The following IRGQ variants were observed in gnomAD, a reference collection of about 807,000 sequenced individuals.
IRGQ encodes the protein immunity-related GTPase family Q protein.
IRGQ carries 5 observed loss-of-function variants against 10.5 expected under a neutral mutation model. That is an observed-to-expected ratio of 0.48 (90% CI 0.25 to 1.00). IRGQ has a LOEUF of 1.00. Among genes scored for constraint, IRGQ ranks in the 50% least tolerant of loss-of-function variants. The pLI is 0.16. For missense variants in IRGQ, 792 were observed against 877.7 expected (o/e 0.90, Z 1.23); for synonymous variants, 418 against 426.0 (o/e 0.98, Z 0.23).
In IRGQ at chr19:43,591,785, T is replaced by G; in HGVS notation, c.*241A>C. 1 of 373,612 alleles carries G rather than the reference T, an allele frequency of 2.7e-6. No individual in the cohort carries two copies. 23.1% of individuals were successfully genotyped at this position (373,612 alleles called of 1,614,324 possible). On this transcript the variant is annotated 3_prime_UTR_variant, in exon 3 of 3. Transcript: ENST00000422989. Reference sequence around the variant, plus strand: ...ATCGCTTGAACCCGGGAGGCGGAGGTTGCAGTGAGCCGAGGTCGCGCCATT... The same window carrying G: ...ATCGCTTGAACCCGGGAGGCGGAGGGTGCAGTGAGCCGAGGTCGCGCCATT...
Position 43,592,417 on chromosome 19 carries a change from G to T in IRGQ, c.1481C>A (p.Ala494Glu), listed in dbSNP as rs1362089015. 6.4e-7 allele frequency: 1 copy of T among 1,574,320 alleles called. No individual in the cohort carries two copies. The change falls in exon 3 of 3, where the codon GCG (alanine) becomes GAG (glutamate). Residue 494 changes from alanine (A) to glutamate (E), a missense_variant. By Grantham distance (107) the Ala-to-Glu change is moderately radical. Transcript: ENST00000422989. ...CCAGCCCAGCCCTGGGAGTGGTGCC[G>T]CCGCCGCCGCCAGACTAGCCAGCAG... ...PALLASLAAA[A>E]APLPGLGWAC... is the part of the protein sequence containing the mutation.
rs1251287579 is a variant in IRGQ, at chr19:43,591,959, C to G, written c.*67G>C. On this transcript the variant is annotated 3_prime_UTR_variant, in exon 3 of 3. Transcript: ENST00000422989. ...GGAAGTCAAGAGTCCACATCCCCTT[C>G]AAGCACCCAGGATTAAGCCCAGGCA... 6.7e-7 allele frequency: 1 copy of G among 1,496,976 alleles called. No homozygotes were observed. The highest frequency in any genetic ancestry group is 1.4e-5 in the African/African-American group (1 of 71,318). The allele number at this position is 1,496,976 out of a possible 1,614,324, so 92.7% of individuals were successfully genotyped here.
chr19:43,592,569 G>A lies in IRGQ; in HGVS notation c.1329C>T (p.Cys443=). 3 of 1,598,852 alleles carry A rather than the reference G, an allele frequency of 1.9e-6. No homozygotes were observed. Among genetic ancestry groups the A allele is most frequent in the Non-Finnish European group, 1.7e-6 (2 of 1,179,358 alleles). ...GGGGGAGCGCTCGCCGCAGCCATTC[G>A]CATAGCCCTGGGAGTCCGCCAGGCC... ...PLRPGGLPGL[C]EWLRRALPPA... is the part of the protein sequence containing the mutation. Residue 443 remains cysteine (C), a synonymous_variant, in exon 3 of 3, where the codon TGC becomes TGT. Transcript: ENST00000422989.
In IRGQ at chr19:43,593,288, C is replaced by T. The variant is rs1459343468; in HGVS notation, c.610G>A (p.Gly204Ser). 3.8e-6 allele frequency: 6 copies of T among 1,590,362 alleles called. No individual in the cohort carries two copies. Among genetic ancestry groups the T allele is most frequent in the Admixed American group, 3.6e-5 (2 of 56,126 alleles). ...CACGACAGCGCAGCCTCAAGGCCGC[C>T]GGTCTCAAAGGCCTCACGCACAGCC... ...LEAVREAFET[G>S]GLEAALSWVR... The change falls in exon 3 of 3, where the codon GGC (glycine) becomes AGC (serine). Residue 204 changes from glycine (G) to serine (S), a missense_variant. Coordinates refer to ENST00000422989, the MANE Select transcript of IRGQ (RefSeq NM_001007561.3). The surrounding 1 kb of genome is among the most constrained non-coding windows in gnomAD (Gnocchi z 6.4).
rs902394591 is a variant in IRGQ at position 43,587,998 on chromosome 19, G to T, written c.*4028C>A. Reference sequence around the variant, plus strand: ...AAACATGTTAAAATGAATTTAACCTGTTTCCTTTTACTTGTCTAATGTGGC... The same window carrying T: ...AAACATGTTAAAATGAATTTAACCTTTTTCCTTTTACTTGTCTAATGTGGC... On this transcript the variant is annotated 3_prime_UTR_variant, in exon 3 of 3. Coordinates refer to ENST00000422989, the MANE Select transcript of IRGQ (RefSeq NM_001007561.3). The T allele has an allele frequency of 1.1e-4, 16 of 151,930 alleles. No individual in the cohort carries two copies. Among genetic ancestry groups the T allele is most frequent in the Admixed American group, 9.2e-4 (14 of 15,256 alleles). 9.4% of individuals were successfully genotyped at this position (151,930 alleles called of 1,614,324 possible). A position where few individuals can be genotyped will look rare whatever the true frequency, so the allele number is the denominator to read the frequency against.
rs771846626 is a variant in IRGQ, at chr19:43,591,998, T to C, written c.*28A>G. 6.5e-7 allele frequency: 1 copy of C among 1,546,948 alleles called. No homozygotes were observed. The highest frequency in any genetic ancestry group is 8.7e-7 in the Non-Finnish European group (1 of 1,143,882). On this transcript the variant is annotated 3_prime_UTR_variant, in exon 3 of 3. Coordinates refer to ENST00000422989, the MANE Select transcript of IRGQ (RefSeq NM_001007561.3). ...TAAGCCCAGGCATCCCCTGTCAGAG[T>C]CTGGACTCCCAAGCCCCCTCCCACT...
rs368383259 is a variant in IRGQ, at chr19:43,594,799, C to T, written c.530+10G>A. The T allele has an allele frequency of 6.3e-7, 1 of 1,588,614 alleles. No homozygotes were observed. The highest frequency in any genetic ancestry group is 1.7e-5 in the Admixed American group (1 of 58,548). On this transcript the variant is annotated intron_variant, in intron 2 of 2. Transcript: ENST00000422989. ...CGACTAACGGACCCAGCCAGAAAGC[C>T]GGCACTCACCTCCGCAGCGCTTCTG...
In IRGQ at chr19:43,592,379, C is replaced by T. The variant is rs1461040106; in HGVS notation, c.1519G>A (p.Ala507Thr). 3 of 1,577,202 alleles carry T rather than the reference C, an allele frequency of 1.9e-6. No homozygotes were observed. The highest frequency in any genetic ancestry group is 2.7e-5 in the African/African-American group (2 of 74,062). Residue 507 changes from alanine (A) to threonine (T), a missense_variant, in exon 3 of 3, where the codon GCA becomes ACA. Ala to Thr is a moderately conservative substitution (Grantham distance 58, BLOSUM62 0). Transcript: ENST00000422989. ...LPGLGWACDV[A>T]LLRGQLAEWR... Reference sequence around the variant, plus strand: ...TCCGCCAGCTGACCCCGCAGAAGTGCCACGTCGCATGCCCAGCCCAGCCCT... The same window carrying T: ...TCCGCCAGCTGACCCCGCAGAAGTGTCACGTCGCATGCCCAGCCCAGCCCT...
At position 43,593,500 on chromosome 19, in the gene IRGQ, C is replaced by T; in HGVS notation, c.531-133G>A. The T allele has an allele frequency of 1.2e-6, 1 of 830,706 alleles. No individual in the cohort carries two copies. The allele number at this position is 830,706 out of a possible 1,614,324, so 51.5% of individuals were successfully genotyped here. On this transcript the variant is annotated intron_variant, in intron 2 of 2. Coordinates refer to ENST00000422989, the MANE Select transcript of IRGQ (RefSeq NM_001007561.3). The surrounding 1 kb of genome is among the most constrained non-coding windows in gnomAD (Gnocchi z 6.4). ...AGGGGTAGGAAAGGGAAGGGCCAGA[C>T]TGATGGCACAGCAAATAGAAACCAG...
rs1568528951 is a variant in IRGQ at position 43,594,934 on chromosome 19, C to T, written c.405G>A (p.Leu135=). The T allele has an allele frequency of 6.2e-7, 1 of 1,614,086 alleles. No homozygotes were observed. Among genetic ancestry groups the T allele is most frequent in the Admixed American group, 1.7e-5 (1 of 60,026 alleles). The change falls in exon 2 of 3, where the codon CTG becomes CTA. Residue 135 remains leucine (L), a synonymous_variant. Transcript: ENST00000422989. ...AQARDQTAAL[L]NSAGLGAADL... The stretch of plus-strand genomic sequence containing the variant: ...CCGCAGCTCCTAACCCCGCGCTGTT[C>T]AGCAGAGCTGCTGTCTGATCACGGG...
rs1454750921 is a variant in IRGQ, at chr19:43,591,143, T to C, written c.*883A>G. On this transcript the variant is annotated 3_prime_UTR_variant, in exon 3 of 3. Coordinates refer to ENST00000422989, the MANE Select transcript of IRGQ (RefSeq NM_001007561.3). ...TGCAGACCTCCCCTTACCCAATATT[T>C]AGGAACCAAGGTCCACAGCCATCTT... The C allele has an allele frequency of 6.6e-6, 1 of 152,256 alleles. No individual in the cohort carries two copies. Among genetic ancestry groups the C allele is most frequent in the Non-Finnish European group, 1.5e-5 (1 of 68,148 alleles). 9.4% of individuals were successfully genotyped at this position (152,256 alleles called of 1,614,324 possible).
At position 43,589,597 on chromosome 19, in the gene IRGQ, T is replaced by C. The variant is rs1973032688; in HGVS notation, c.*2429A>G. 6.6e-6 allele frequency: 1 copy of C among 151,980 alleles called. No individual in the cohort carries two copies. The highest frequency in any genetic ancestry group is 2.1e-4 in the South Asian group (1 of 4,826). 9.4% of individuals were successfully genotyped at this position (151,980 alleles called of 1,614,324 possible). A position where few individuals can be genotyped will look rare whatever the true frequency, so the allele number is the denominator to read the frequency against. ...GTCTCTAAAATAATAATAATAATAA[T>C]AAATATTTACGAAGCACCTATTGTG... is the stretch of plus-strand genomic sequence containing the variant. On this transcript the variant is annotated 3_prime_UTR_variant, in exon 3 of 3. Coordinates refer to ENST00000422989, the MANE Select transcript of IRGQ (RefSeq NM_001007561.3).
At position 43,595,297 on chromosome 19, in the gene IRGQ, C is replaced by T; in HGVS notation, c.42G>A (p.Gly14=). Residue 14 remains glycine (G), a synonymous_variant, in exon 2 of 3, where the codon GGG becomes GGA. Transcript: ENST00000422989. ...PQGDVTALFL[G]PPGLGKSALI... The stretch of plus-strand genomic sequence containing the variant: ...GCGCGGACTTCCCCAAGCCCGGAGG[C>T]CCCAGGAACAAGGCGGTCACGTCAC... 6.3e-7 allele frequency: 1 copy of T among 1,586,670 alleles called. No individual in the cohort carries two copies. The highest frequency in any genetic ancestry group is 8.6e-7 in the Non-Finnish European group (1 of 1,166,460).
chr19:43,592,711 T>A lies in IRGQ; in HGVS notation c.1187A>T (p.Gln396Leu), dbSNP rs760978733. 1.2e-6 allele frequency: 2 copies of A among 1,610,050 alleles called. No individual in the cohort carries two copies. Among genetic ancestry groups the A allele is most frequent in the South Asian group, 1.1e-5 (1 of 91,084 alleles). Residue 396 changes from glutamine to leucine, a missense_variant, in exon 3 of 3, where the codon CAG (glutamine) becomes CTG (leucine). Physicochemically the swap from Gln to Leu is moderately radical, Grantham distance 113. Transcript: ENST00000422989. ...PGKAGSEGLQ[Q>L]VVGMKKSGGG... is the part of the protein sequence containing the mutation. ...ACCTGATTTCTTCATGCCGACAACC[T>A]GCTGCAAACCCTCGCTGCCAGCTTT... is the stretch of plus-strand genomic sequence containing the variant.
In IRGQ at chr19:43,593,498, G is replaced by C; in HGVS notation, c.531-131C>G. The stretch of plus-strand genomic sequence containing the variant: ...GCAGGGGTAGGAAAGGGAAGGGCCA[G>C]ACTGATGGCACAGCAAATAGAAACC... On this transcript the variant is annotated intron_variant, in intron 2 of 2. Coordinates refer to ENST00000422989, the MANE Select transcript of IRGQ (RefSeq NM_001007561.3). This position sits in a 1 kb window ranked among gnomAD's most constrained non-coding sequence, Gnocchi z 6.4. 2 of 853,510 alleles carry C rather than the reference G, an allele frequency of 2.3e-6. No individual in the cohort carries two copies. The highest frequency in any genetic ancestry group is 3.3e-6 in the Non-Finnish European group (2 of 612,348). The allele number at this position is 853,510 out of a possible 1,614,324, so 52.9% of individuals were successfully genotyped here.
rs1237826987 is a variant in IRGQ at position 43,592,018 on chromosome 19, C to A, written c.*8G>T. On this transcript the variant is annotated 3_prime_UTR_variant, in exon 3 of 3. Coordinates refer to ENST00000422989, the MANE Select transcript of IRGQ (RefSeq NM_001007561.3). Reference sequence around the variant, plus strand: ...CAGAGTCTGGACTCCCAAGCCCCCTCCCACTCCTCACTGGGCAGGCTCAGG... The same window carrying A: ...CAGAGTCTGGACTCCCAAGCCCCCTACCACTCCTCACTGGGCAGGCTCAGG... 2.5e-6 allele frequency: 4 copies of A among 1,578,050 alleles called. No homozygotes were observed. The highest frequency in any genetic ancestry group is 3.5e-6 in the Non-Finnish European group (4 of 1,158,852).
At position 43,592,269 on chromosome 19, in the gene IRGQ, C is replaced by T. The variant is rs772755648; in HGVS notation, c.1629G>A (p.Ala543=). 96 of 1,574,504 alleles carry T rather than the reference C, an allele frequency of 6.1e-5. 1 individual carries two copies. Among genetic ancestry groups the T allele is most frequent in the Middle Eastern group, 1.7e-4 (1 of 6,012 alleles). ...TCACCGGGCCTGGGAAATGAGCGCG[C>T]GCTGCCAGCTCTCCAGAAGCCAGGC... ...ALGLASGELA[A]RAHFPGPVTR... The change falls in exon 3 of 3, where the codon GCG becomes GCA. Residue 543 remains alanine (A), a synonymous_variant. Coordinates refer to ENST00000422989, the MANE Select transcript of IRGQ (RefSeq NM_001007561.3).
Position 43,595,252 on chromosome 19 carries a change from G to T in IRGQ, c.87C>A (p.Asp29Glu). The stretch of plus-strand genomic sequence containing the variant: ...GGGCCTCGAGCGTCTCCACATCCTT[G>T]TCGCACAGCGCTGCGATCAGCGCGG... Reference protein sequence around the residue: ...GKSALIAALCDKDVETLEAPE... With the variant: ...GKSALIAALCEKDVETLEAPE... The change falls in exon 2 of 3, where the codon GAC (aspartate) becomes GAA (glutamate). Residue 29 changes from aspartate to glutamate, a missense_variant. Asp to Glu is a conservative substitution (Grantham distance 45). Transcript: ENST00000422989. 6.2e-7 allele frequency: 1 copy of T among 1,612,068 alleles called. No individual in the cohort carries two copies.
In IRGQ at chr19:43,594,990, G is replaced by A. The variant is rs1036484301; in HGVS notation, c.349C>T (p.Arg117Cys). Residue 117 changes from arginine to cysteine, a missense_variant, in exon 2 of 3, where the codon CGT becomes TGT. Transcript: ENST00000422989. ...GCGGCAGTCTGTGAATCCCCAGGAC[G>A]GAGGTTCCGCACAGCCAGTAGCGGG... ...GTPLLAVRNLRPGDSQTAAQA... is the reference protein window; with the variant it reads ...GTPLLAVRNLCPGDSQTAAQA... 3 of 1,613,830 alleles carry A rather than the reference G, an allele frequency of 1.9e-6. No homozygotes were observed. Among genetic ancestry groups the A allele is most frequent in the East Asian group, 2.2e-5 (1 of 44,874 alleles).
Sources: allele counts gnomAD v4.1 joint callset, GRCh38; gene constraint gnomAD v4.1.1; non-coding constraint Gnocchi (gnomAD v3.1); transcripts MANE v1.5; gene names NCBI Gene and HGNC (gene_info 2026-07-23, HGNC 2026-07-21).